The following GALP variants were observed in gnomAD, a reference collection of about 807,000 sequenced individuals.
The protein encoded by GALP is galanin-like peptide.
In GALP, 12 loss-of-function variants were observed where a neutral mutation model predicts 15.2. The ratio of observed to expected loss-of-function variants is 0.79; its 90% CI spans 0.51 to 1.28. The LOEUF (loss-of-function observed/expected upper bound fraction) is 1.28, where lower values mean the gene tolerates loss of function less well. Ranked by LOEUF, GALP falls within the 50% of genes most tolerant of loss-of-function variation. The probability of loss-of-function intolerance (pLI) is 0.00; values close to 1 mark genes in which losing one functional copy is unlikely to be tolerated. For synonymous variants in GALP, 58 were observed against 55.1 expected, an observed-to-expected ratio of 1.05 and a Z score of -0.23; for missense variants, 161 against 145.6, an observed-to-expected ratio of 1.11 and a Z score of -0.55.
chr19:56,177,526 A>ACG (rs1555785861), intron 2 of GALP, among the ~76,000 whole-genome samples: 1 of 146,474 alleles, frequency 6.8e-6, no homozygotes. Flanking sequence ...AAAAAAAAAA[A>ACG]AAGAAGAAAT....
rs1215077294 is a variant in GALP, at chr19:56,180,889, C to CTCTT, written c.136+281_136+284dup. 2.4e-3 allele frequency among the ~76,000 whole-genome samples: 238 copies of CTCTT among 101,030 alleles called. 1 individual carries two copies. The highest frequency in any genetic ancestry group is 8.4e-3 in the African/African-American group (207 of 24,554). 66.3% of individuals were successfully genotyped at this position (101,030 alleles called of 152,430 possible). The stretch of plus-strand genomic sequence containing the variant: ...GATCTCTCTCTCTCTCGCTCTCTCA[C>CTCTT]TCTTTCTTTCTTTCTTTCTTTCTTT... On this transcript the variant is annotated intron_variant, in intron 3 of 5. Transcript: ENST00000357330.
chr19:56,177,526 A>AAGAAG (rs35981422), intron 2 of GALP, among the ~76,000 whole-genome samples: 1 of 146,474 alleles, frequency 6.8e-6, no homozygotes, highest in South Asian at 2.1e-4. Context: ...AAAAAAAAAA[A>AAGAAG]AAGAAGAAAT....
chr19:56,181,740 C>T (rs568235791), intron 3 of GALP, among the ~76,000 whole-genome samples: 2 of 152,282 alleles, frequency 1.3e-5, no homozygotes, highest in East Asian at 3.9e-4. Context: ...TTGTCTCTCC[C>T]CATTTCTCCA....
chr19:56,176,970 G>A (rs756850521), intron 1 of GALP, 100 bp from the exon 2 acceptor site: 5 of 618,940 alleles, frequency 8.1e-6, no homozygotes, highest in African/African-American at 1.8e-5. Context: ...TTTGTATCTC[G>A]ATGATGCCTC....
intron 2 of GALP, among the ~76,000 whole-genome samples, chr19:56,179,742 A>G (rs989609022): frequency 5.9e-5 from 9 of 151,624 alleles, no homozygotes; most frequent in African/African-American, 2.2e-4. Flanking sequence ...CTCCTGGGCT[A>G]AAGTGATCCT....
intron 2 of GALP, among the ~76,000 whole-genome samples, chr19:56,178,694 G>A (rs545354982): frequency 1.3e-5 from 2 of 152,188 alleles, no homozygotes; most frequent in South Asian, 2.1e-4. Flanking sequence ...AGGGATGTTC[G>A]AGGAGTTTTG....
At chr19:56,181,958 C>T (rs1209893958) in intron 3 of GALP, among the ~76,000 whole-genome samples, 1 of 152,130 alleles carries the variant, frequency 6.6e-6, no homozygotes, top group African/African-American at 2.4e-5. Context: ...AAGCCCCAGT[C>T]CTGCCATTAG....
In GALP at chr19:56,177,125, T is replaced by C; in HGVS notation, c.17T>C (p.Val6Ala). The C allele has an allele frequency of 6.2e-7, 1 of 1,612,540 alleles. No homozygotes were observed. The change falls in exon 2 of 6, where the codon GTC (valine) becomes GCC (alanine). Residue 6 changes from valine to alanine, a missense_variant. By Grantham distance (64) the Val-to-Ala change is moderately conservative (BLOSUM62 0). Transcript: ENST00000357330. Reference sequence around the variant, plus strand: ...CTGCCTTCGATGGCTCCTCCCTCCGTCCCCCTGGTCCTCCTCCTCGTCCTC... The same window carrying C: ...CTGCCTTCGATGGCTCCTCCCTCCGCCCCCCTGGTCCTCCTCCTCGTCCTC... MAPPSVPLVLLLVLLL... is the reference protein window; with the variant it reads MAPPSAPLVLLLVLLL...
intron 2 of GALP, among the ~76,000 whole-genome samples, chr19:56,178,493 A>C (rs1249921402): frequency 1.4e-5 from 2 of 147,028 alleles, no homozygotes; most frequent in Non-Finnish European, 3.0e-5. Context: ...AAAGAAAAGA[A>C]AAAGAAAAGA....
At chr19:56,183,836 A>G (rs561390814) in intron 5 of GALP, among the ~76,000 whole-genome samples, 30 of 150,396 alleles carry the variant, frequency 2.0e-4, no homozygotes, top group Non-Finnish European at 3.3e-4. Flanking sequence ...GACTTCAGGT[A>G]ATCCACCTGC....
In GALP at chr19:56,183,415, G is replaced by A. The variant is rs899636905; in HGVS notation, c.295+203G>A. On this transcript the variant is annotated intron_variant, in intron 5 of 5. Transcript: ENST00000357330. ...TGGCCTCGACTGCTCCCTTCACCTC[G>A]ATTCCTTCACTGCGAATCCCACCTC... is the stretch of plus-strand genomic sequence containing the variant. 3.9e-5 allele frequency among the ~76,000 whole-genome samples: 6 copies of A among 151,964 alleles called. No individual in the cohort carries two copies. In the East Asian group the frequency reaches 5.8e-4, roughly 15 times the overall value.
chr19:56,178,135 G>T (rs986867194), intron 2 of GALP, among the ~76,000 whole-genome samples: 6 of 149,698 alleles, frequency 4.0e-5, no homozygotes, highest in Admixed American at 6.7e-5. Flanking sequence ...TGTGCACCAC[G>T]CCTGCATTTA....
chr19:56,182,081 C>A, intron 3 of GALP, 91 bp from the exon 4 acceptor site: 1 of 907,536 alleles, frequency 1.1e-6, no homozygotes, highest in Non-Finnish European at 1.8e-6. Flanking sequence ...GCGCTGCGTC[C>A]GGTGAGCCAT....
intron 5 of GALP, among the ~76,000 whole-genome samples, chr19:56,184,203 G>A (rs945481261): frequency 1.3e-5 from 2 of 152,056 alleles, no homozygotes; most frequent in African/African-American, 2.4e-5. Context: ...TGATCTGCCC[G>A]CCTTGGCCTC....
intron 3 of GALP, among the ~76,000 whole-genome samples, chr19:56,181,664 T>C (rs1053357734): frequency 3.3e-5 from 5 of 152,246 alleles, no homozygotes; most frequent in African/African-American, 4.8e-5. Flanking sequence ...CGCCTCAGCC[T>C]CCCAAACTGC....
At chr19:56,182,763 G>A (rs1035155648) in intron 4 of GALP, among the ~76,000 whole-genome samples, 2 of 152,082 alleles carry the variant, frequency 1.3e-5, no homozygotes, top group Non-Finnish European at 2.9e-5. Flanking sequence ...TCACCATGTT[G>A]GCCAGGCTGG....
At chr19:56,184,007 G>A (rs35814643) in intron 5 of GALP, among the ~76,000 whole-genome samples, 104 of 151,174 alleles carry the variant, frequency 6.9e-4, no homozygotes, top group Non-Finnish European at 9.9e-4. Context: ...CCAGGCTGGC[G>A]TGAAGTGGTG....
chr19:56,185,098 C>G (rs902720402), intron 5 of GALP, 117 bp from the exon 6 acceptor site: 1 of 678,452 alleles, frequency 1.5e-6, no homozygotes, highest in Non-Finnish European at 2.6e-6. Flanking sequence ...GTCAGGAGTT[C>G]AAGACCAGCC....
intron 2 of GALP, among the ~76,000 whole-genome samples, chr19:56,177,603 G>A (rs1271176884): frequency 1.3e-5 from 2 of 151,736 alleles, no homozygotes; most frequent in East Asian, 1.9e-4. Flanking sequence ...TGATCCACCC[G>A]CCTTGGCCTC....
Sources: gnomAD v4.1 joint callset for allele counts (sites outside exome capture counted in the v4.1 genomes callset) on GRCh38, gnomAD v4.1.1 for gene constraint, MANE v1.5 for transcripts, NCBI Gene and HGNC (gene_info 2026-07-23, HGNC 2026-07-21) for gene names.